DROSHA: variants seen among roughly 807,000 people sequenced by gnomAD.
The protein encoded by DROSHA is drosha ribonuclease III, also known as ribonuclease 3.
A neutral mutation model predicts 181.9 loss-of-function variants in DROSHA; 56 were observed. The observed-to-expected ratio is 0.31, with a 90% CI of 0.25 to 0.38. The LOEUF (loss-of-function observed/expected upper bound fraction) is 0.38, where lower values mean the gene tolerates loss of function less well. Among genes scored for constraint, DROSHA ranks in the 10% least tolerant of loss-of-function variants. The pLI is 1.00. For missense variants in DROSHA, 1,218 were observed against 1,743.5 expected (o/e 0.70, Z 5.37); for synonymous variants, 524 against 591.2 (o/e 0.89, Z 1.65).
chr5:31,435,801 G>T lies in DROSHA; in HGVS notation c.3006C>A (p.Ala1002=). 1 of 1,613,862 alleles carries T rather than the reference G, an allele frequency of 6.2e-7. No individual in the cohort carries two copies. The highest frequency in any genetic ancestry group is 8.5e-7 in the Non-Finnish European group (1 of 1,179,844). Residue 1002 remains alanine, a synonymous_variant, in exon 25 of 36, where the codon GCC becomes GCA. Transcript: ENST00000344624. ...TGGCAAGGTGCTGATTCTGAACAAT[G>T]GCAGTCCGATAGGTTGCTAATCCTC... ...EEGGLATYRT[A]IVQNQHLAML... is the part of the protein sequence containing the mutation.
intron 9 of DROSHA, among the ~76,000 whole-genome samples, chr5:31,510,309 T>C (rs1738523809): frequency 6.6e-6 from 1 of 152,050 alleles, no homozygotes; most frequent in African/African-American, 2.4e-5. Flanking sequence ...ACATATCAAG[T>C]AGGTGGTAGA....
chr5:31,504,679 T>A, intron 10 of DROSHA, 44 bp from the exon 11 acceptor site: 1 of 1,605,860 alleles, frequency 6.2e-7, no homozygotes, highest in Non-Finnish European at 8.5e-7. Flanking sequence ...GAGGGAAAAA[T>A]CCACACCATG....
intron 13 of DROSHA, among the ~76,000 whole-genome samples, chr5:31,488,353 C>T (rs1385669495): frequency 7.1e-6 from 1 of 141,418 alleles, no homozygotes; most frequent in Non-Finnish European, 1.5e-5. Context: ...TTGGAGGTTG[C>T]AGTGAACCAA....
rs1741491080 is a variant in DROSHA, at chr5:31,532,051, T to C, written c.-311A>G. 5.5e-6 allele frequency: 2 copies of C among 362,186 alleles called. No individual in the cohort carries two copies. Among genetic ancestry groups the C allele is most frequent in the Non-Finnish European group, 1.0e-5 (2 of 195,940 alleles). 22.4% of individuals were successfully genotyped at this position (362,186 alleles called of 1,614,324 possible). On this transcript the variant is annotated 5_prime_UTR_variant, in exon 1 of 36. Coordinates refer to ENST00000344624, the MANE Select transcript of DROSHA (RefSeq NM_001382508.1). ...AGCAAAGCCAGGCTACTACCGCAGG[T>C]ACCAAGACAGTGGCACCGCCCGCGC... is the stretch of plus-strand genomic sequence containing the variant.
chr5:31,514,189 G>A lies in DROSHA; in HGVS notation c.1290+799C>T, dbSNP rs1739016220. On this transcript the variant is annotated intron_variant, in intron 8 of 35. Transcript: ENST00000344624. The surrounding 1 kb of genome is among the most constrained non-coding windows in gnomAD (Gnocchi z 4.4). ...TTTGGTCAAGGATACACTTCGAAGA[G>A]ACAAACTCAAATTCTTCCTTATTTT... Among the ~76,000 whole-genome samples the A allele has an allele frequency of 6.6e-6, 1 of 151,858 alleles. No homozygotes were observed. Among genetic ancestry groups the A allele is most frequent in the Non-Finnish European group, 1.5e-5 (1 of 67,996 alleles).
At chr5:31,403,507 G>T (rs778880353) in intron 35 of DROSHA, among the ~76,000 whole-genome samples, 6 of 151,722 alleles carry the variant, frequency 4.0e-5, no homozygotes, top group Non-Finnish European at 8.8e-5. Flanking sequence ...TGTATTCATG[G>T]GTATACTTTT....
intron 28 of DROSHA, chr5:31,423,183 C>A: frequency 3.2e-6 from 1 of 312,834 alleles, no homozygotes; most frequent in Non-Finnish European, 5.8e-6. Flanking sequence ...AAGTACTGTA[C>A]ACAGATAGTT....
At chr5:31,435,959 G>C in intron 24 of DROSHA, 95 bp from the exon 25 acceptor site, 1 of 1,050,770 alleles carries the variant, frequency 9.5e-7, no homozygotes. Context: ...CACAGTAGCT[G>C]TGCAATGGAT....
At position 31,410,759 on chromosome 5, in the gene DROSHA, CG is replaced by C. The variant is rs1561116311; in HGVS notation, c.3653del (p.Ala1218GlyfsTer24). The C allele has an allele frequency of 6.2e-7, 1 of 1,613,286 alleles. No individual in the cohort carries two copies. Among genetic ancestry groups the C allele is most frequent in the Non-Finnish European group, 8.5e-7 (1 of 1,179,572 alleles). ...TGTGGCACTCACATTCCAAAAGGTC[CG>C]CCAAGGTCTTGGTGCGAAGCGCCAC... is the stretch of plus-strand genomic sequence containing the variant. ...RPVALRTKTL[A>X]DLLESFIAAL... On this transcript the variant is annotated frameshift_variant, in exon 31 of 36. Coordinates refer to ENST00000344624, the MANE Select transcript of DROSHA (RefSeq NM_001382508.1). LOFTEE classifies it high-confidence loss of function.
At chr5:31,427,584 G>C (rs1743639615) in intron 27 of DROSHA, among the ~76,000 whole-genome samples, 2 of 152,136 alleles carry the variant, frequency 1.3e-5, no homozygotes, top group South Asian at 2.1e-4. Context: ...AGCTGCCCTT[G>C]CCTTGGGACG....
chr5:31,409,084 C>T lies in DROSHA; in HGVS notation c.3826G>A (p.Gly1276Arg). The T allele has an allele frequency of 6.2e-7, 1 of 1,613,896 alleles. No individual in the cohort carries two copies. The highest frequency in any genetic ancestry group is 8.5e-7 in the Non-Finnish European group (1 of 1,179,810). Residue 1276 changes from glycine (G) to arginine (R), a missense_variant, in exon 33 of 36, where the codon GGA becomes AGA. Around this residue, in one of 8 missense-constraint regions of DROSHA, gnomAD observed 48 missense variants for 124.9 expected, o/e 0.38. Coordinates refer to ENST00000344624, the MANE Select transcript of DROSHA (RefSeq NM_001382508.1). This position sits in a 1 kb window ranked among gnomAD's most constrained non-coding sequence, Gnocchi z 4.0. The part of the protein sequence containing the change: ...QQCCLTLRTE[G>R]KEPDIPLYKT... ...TACAGAGGAATGTCTGGCTCTTTTCCTTCTGTCCTAAGTGTCAAGCAACAC... is the reference window on the plus strand; with the variant it reads ...TACAGAGGAATGTCTGGCTCTTTTCTTTCTGTCCTAAGTGTCAAGCAACAC...
At position 31,448,614 on chromosome 5, in the gene DROSHA, A is replaced by G. The variant is rs1270964888; in HGVS notation, c.2822-7T>C. ...TTTATCAAGGTGTTAATCCCTATTT[A>G]AAATAAAAAACAAATACACAAGTAA... On this transcript the variant is annotated splice_polypyrimidine_tract_variant and splice_region_variant and intron_variant, in intron 22 of 35. Coordinates refer to ENST00000344624, the MANE Select transcript of DROSHA (RefSeq NM_001382508.1). 1.7e-5 allele frequency: 28 copies of G among 1,610,776 alleles called. No individual in the cohort carries two copies. The highest frequency in any genetic ancestry group is 2.4e-5 in the Non-Finnish European group (28 of 1,177,632).
At chr5:31,443,392 G>A (rs574878411) in intron 23 of DROSHA, among the ~76,000 whole-genome samples, 131 of 152,106 alleles carry the variant, frequency 8.6e-4, no homozygotes, top group South Asian at 1.5e-3. Flanking sequence ...AGGCAGCTTG[G>A]TTTTCCCCTT....
intron 17 of DROSHA, among the ~76,000 whole-genome samples, chr5:31,468,736 C>G (rs1169877294): frequency 6.6e-6 from 1 of 152,162 alleles, no homozygotes; most frequent in African/African-American, 2.4e-5. Context: ...TCACAGAGAA[C>G]AGGTTTCAGC....
Position 31,484,896 on chromosome 5 carries a change from C to A in DROSHA, c.1981G>T (p.Asp661Tyr). 6.5e-7 allele frequency: 1 copy of A among 1,544,148 alleles called. No individual in the cohort carries two copies. Among genetic ancestry groups the A allele is most frequent in the South Asian group, 1.2e-5 (1 of 82,494 alleles). Residue 661 changes from aspartate to tyrosine, a missense_variant, in exon 15 of 36, where the codon GAC becomes TAC. Asp to Tyr is a radical substitution (Grantham distance 160). Transcript: ENST00000344624. ...FLFRDILELY[D>Y]WNLKGPLFED... is the part of the protein sequence containing the mutation. ...TATTACTTACCTTTAAGATTCCAGTCATATAATTCCAAAATATCTCTGAAT... is the reference window on the plus strand; with the variant it reads ...TATTACTTACCTTTAAGATTCCAGTAATATAATTCCAAAATATCTCTGAAT...
Position 31,411,828 on chromosome 5 carries a change from T to C in DROSHA, c.3526-941A>G, listed in dbSNP as rs1741349856. The stretch of plus-strand genomic sequence containing the variant: ...TTTTTGTAGAGACAGGGTTTCACCA[T>C]GTTGCCTAGGCTGGTCTCGAACTCC... On this transcript the variant is annotated intron_variant, in intron 30 of 35. Transcript: ENST00000344624. The surrounding 1 kb of genome is among the most constrained non-coding windows in gnomAD (Gnocchi z 4.2). 6.6e-6 allele frequency among the ~76,000 whole-genome samples: 1 copy of C among 152,220 alleles called. No homozygotes were observed. The highest frequency in any genetic ancestry group is 6.5e-5 in the Admixed American group (1 of 15,282).
intron 5 of DROSHA, among the ~76,000 whole-genome samples, chr5:31,525,870 T>C (rs138491427): frequency 6.6e-6 from 1 of 152,230 alleles, no homozygotes; most frequent in African/African-American, 2.4e-5. Flanking sequence ...ACTGATATAT[T>C]TGGAATGCTT....
intron 28 of DROSHA, among the ~76,000 whole-genome samples, chr5:31,424,162 A>G (rs1015491739): frequency 2.6e-5 from 4 of 152,196 alleles, no homozygotes; most frequent in African/African-American, 7.2e-5. Context: ...TGGGGCATCC[A>G]TAACTACACA....
chr5:31,478,955 G>A (rs1045538628), intron 16 of DROSHA, among the ~76,000 whole-genome samples: 1 of 152,142 alleles, frequency 6.6e-6, no homozygotes, highest in African/African-American at 2.4e-5. Context: ...CAACAGGATA[G>A]ACACAGACTA....
Sources: gnomAD v4.1 joint callset for allele counts (sites outside exome capture counted in the v4.1 genomes callset) on GRCh38, gnomAD v4.1.1 for gene constraint, gnomAD v4.1.1 regional missense constraint, Gnocchi (gnomAD v3.1) non-coding constraint, MANE v1.5 for transcripts, NCBI Gene and HGNC (gene_info 2026-07-23, HGNC 2026-07-21) for gene names.